EPB41L4A: variants seen among roughly 807,000 people sequenced by gnomAD.
The protein encoded by EPB41L4A is band 4.1-like protein 4A.
Under a neutral mutation model 108.6 loss-of-function variants are expected in EPB41L4A, and 100 were observed. That is an observed-to-expected ratio of 0.92 (90% confidence interval 0.78 to 1.09). The LOEUF is 1.09. Among genes scored for constraint, EPB41L4A ranks in the 50% least tolerant of loss-of-function variants. The pLI is 0.00. For missense variants in EPB41L4A, 1,030 were observed against 842.7 expected, an observed-to-expected ratio of 1.22 and a Z score of -2.75; for synonymous variants, 319 against 289.0, an observed-to-expected ratio of 1.10 and a Z score of -1.05.
At chr5:112,297,760 T>G (rs1371812495) in intron 2 of EPB41L4A, among the ~76,000 whole-genome samples, 3 of 152,218 alleles carry the variant, frequency 2.0e-5, no homozygotes, top group Non-Finnish European at 4.4e-5. Context: ...ATTTTTATAG[T>G]TTTAAGTCTT....
At chr5:112,393,076 G>C (rs1309443265) in intron 1 of EPB41L4A, among the ~76,000 whole-genome samples, 1 of 152,144 alleles carries the variant, frequency 6.6e-6, no homozygotes, top group African/African-American at 2.4e-5. Context: ...CAATCTCTGG[G>C]ACACATTTAA....
chr5:112,174,438 T>C (rs1203678499), intron 18 of EPB41L4A, among the ~76,000 whole-genome samples: 1 of 152,192 alleles, frequency 6.6e-6, no homozygotes, highest in Non-Finnish European at 1.5e-5. Context: ...AGGTACGACA[T>C]ATATAGAAAA....
intron 1 of EPB41L4A, among the ~76,000 whole-genome samples, chr5:112,339,200 T>C (rs893974367): frequency 3.9e-5 from 6 of 152,000 alleles, no homozygotes; most frequent in African/African-American, 1.2e-4. Context: ...ATTCTAATCA[T>C]CAAACCATAA....
intron 2 of EPB41L4A, among the ~76,000 whole-genome samples, chr5:112,304,670 C>G (rs1243516034): frequency 6.6e-6 from 1 of 152,110 alleles, no homozygotes; most frequent in Non-Finnish European, 1.5e-5. Context: ...CTTCTTCCTT[C>G]ATTCCGCTGA....
At chr5:112,196,506 A>C (rs1002209250) in intron 15 of EPB41L4A, among the ~76,000 whole-genome samples, 1 of 152,198 alleles carries the variant, frequency 6.6e-6, no homozygotes, top group African/African-American at 2.4e-5. Flanking sequence ...GACCCCAATA[A>C]GACTATCTAT....
chr5:112,158,226 A>T (rs1759717240), downstream of EPB41L4A, among the ~76,000 whole-genome samples: 1 of 152,230 alleles, frequency 6.6e-6, no homozygotes, highest in Non-Finnish European at 1.5e-5. Context: ...CCCTTTCATA[A>T]GAACTCAATA....
At chr5:112,188,365 A>G (rs1259076183) in intron 17 of EPB41L4A, among the ~76,000 whole-genome samples, 3 of 152,144 alleles carry the variant, frequency 2.0e-5, no homozygotes, top group African/African-American at 7.2e-5. Context: ...TTGCTCTTAA[A>G]GGTACTTCTG....
At chr5:112,175,956 G>A (rs1476108657) in intron 18 of EPB41L4A, among the ~76,000 whole-genome samples, 2 of 152,134 alleles carry the variant, frequency 1.3e-5, no homozygotes, top group Non-Finnish European at 2.9e-5. Flanking sequence ...AAAGAAAGCT[G>A]TAGTGGTTCC....
chr5:112,353,365 C>T (rs1014417816), intron 1 of EPB41L4A, among the ~76,000 whole-genome samples: 3 of 152,196 alleles, frequency 2.0e-5, no homozygotes, highest in African/African-American at 4.8e-5. Context: ...CCGGCAGTGG[C>T]GGGCTGAGCA....
At chr5:112,415,315 G>C (rs565182208) in intron 1 of EPB41L4A, among the ~76,000 whole-genome samples, 2 of 152,092 alleles carry the variant, frequency 1.3e-5, no homozygotes, top group African/African-American at 4.8e-5. Flanking sequence ...CGAAATGTAT[G>C]GTATACCTTA....
intron 1 of EPB41L4A, among the ~76,000 whole-genome samples, chr5:112,339,504 A>ATG (rs1427045974): frequency 2.0e-4 from 8 of 39,932 alleles, no homozygotes; most frequent in African/African-American, 5.7e-4. Context: ...ATCTATATAT[A>ATG]TATATAGATA....
intron 1 of EPB41L4A, among the ~76,000 whole-genome samples, chr5:112,320,535 T>G (rs568600747): frequency 6.6e-6 from 1 of 152,192 alleles, no homozygotes; most frequent in Non-Finnish European, 1.5e-5. Flanking sequence ...GATTGGCTTA[T>G]GTCCTCCTGT....
At chr5:112,310,153 T>C (rs1296182168) in intron 1 of EPB41L4A, among the ~76,000 whole-genome samples, 2 of 152,232 alleles carry the variant, frequency 1.3e-5, no homozygotes, top group Non-Finnish European at 1.5e-5. Flanking sequence ...TAGTGATAAT[T>C]TGTTATGCAA....
At chr5:112,379,467 C>T (rs748356547) in intron 1 of EPB41L4A, among the ~76,000 whole-genome samples, 17 of 152,128 alleles carry the variant, frequency 1.1e-4, no homozygotes, top group Admixed American at 3.3e-4. Context: ...AACACAAAGG[C>T]CAGCCTGAAC....
chr5:112,182,508 T>G (rs954615905), intron 18 of EPB41L4A, among the ~76,000 whole-genome samples: 3 of 152,238 alleles, frequency 2.0e-5, no homozygotes, highest in South Asian at 2.1e-4. Flanking sequence ...CTAATTTTAT[T>G]TTACTTTCCC....
chr5:112,173,316 T>C (rs1760686580), intron 18 of EPB41L4A, among the ~76,000 whole-genome samples: 1 of 151,848 alleles, frequency 6.6e-6, no homozygotes, highest in South Asian at 2.1e-4. Flanking sequence ...ACGGGGAGAA[T>C]GAGGAAAGTT....
chr5:112,229,987 C>CAAAAAAAAAAAAAAA, intron 12 of EPB41L4A, among the ~76,000 whole-genome samples: 1 of 77,230 alleles, frequency 1.3e-5, no homozygotes, highest in Middle Eastern at 8.5e-3. Flanking sequence ...GACTCTGTCT[C>CAAAAAAAAAAAAAAA]AAAAAAAAAA....
At chr5:112,403,764 G>A (rs536809553) in intron 1 of EPB41L4A, among the ~76,000 whole-genome samples, 21 of 152,252 alleles carry the variant, frequency 1.4e-4, no homozygotes, top group Non-Finnish European at 2.5e-4. Flanking sequence ...TACTGCGCGA[G>A]GCCTAAGCTT....
intron 1 of EPB41L4A, 114 bp from the exon 2 acceptor site, chr5:112,307,604 G>T: frequency 1.6e-6 from 1 of 607,540 alleles, no homozygotes. Context: ...AATTGTATCA[G>T]ACCATGGTTC....
Sources: allele counts gnomAD v4.1 joint callset (sites outside exome capture counted in the v4.1 genomes callset), GRCh38; gene constraint gnomAD v4.1.1; transcripts MANE v1.5; gene names NCBI Gene and HGNC (gene_info 2026-07-23, HGNC 2026-07-21).